The following LAMA2 variants were observed in gnomAD, a reference collection of about 807,000 sequenced individuals.
The protein encoded by LAMA2 is laminin subunit alpha-2.
A neutral mutation model predicts 364.8 loss-of-function variants in LAMA2; 269 were observed. The ratio of observed to expected loss-of-function variants is 0.74; its 90% CI spans 0.67 to 0.82. The LOEUF is 0.82. Ranked by LOEUF, LAMA2 falls within the 40% of genes least tolerant of loss-of-function variation. The pLI is 0.00. For synonymous variants in LAMA2, 1,379 were observed against 1,370.6 expected (o/e 1.01, Z -0.14); for missense variants, 3,807 against 3,873.2 (o/e 0.98, Z 0.45).
chr6:129,084,026 T>C (rs1258796005), intron 3 of LAMA2, among the ~76,000 whole-genome samples: 1 of 152,182 alleles, frequency 6.6e-6, no homozygotes, highest in Non-Finnish European at 1.5e-5. Context: ...ACACCTAAGT[T>C]AAAGGCCGGC....
chr6:129,082,033 A>G (rs915097065), intron 3 of LAMA2, among the ~76,000 whole-genome samples: 5 of 152,154 alleles, frequency 3.3e-5, no homozygotes, highest in Non-Finnish European at 7.4e-5. Flanking sequence ...ACATATTGAG[A>G]ACTTTAACAA....
rs1462363481 is a variant in LAMA2 at position 129,460,217 on chromosome 6, T to A, written c.6885T>A (p.Arg2295=). The change falls in exon 49 of 65, where the codon CGT becomes CGA. Residue 2295 remains arginine, a synonymous_variant. Coordinates refer to ENST00000421865, the MANE Select transcript of LAMA2 (RefSeq NM_000426.4). ...TGKLKKADAV[R]VITFTGCMGE... ...TTCTGCAGAAGGCTGATGCTGTACG[T>A]GTGATTACATTCACTGGCTGCATGG... 6.2e-7 allele frequency: 1 copy of A among 1,612,124 alleles called. No individual in the cohort carries two copies. The highest frequency in any genetic ancestry group is 8.5e-7 in the Non-Finnish European group (1 of 1,178,542).
At chr6:129,161,088 G>A (rs1779416014) in intron 8 of LAMA2, among the ~76,000 whole-genome samples, 1 of 151,816 alleles carries the variant, frequency 6.6e-6, no homozygotes, top group Admixed American at 6.6e-5. Context: ...AGAATATTTT[G>A]AATCTTTAGA....
chr6:128,943,849 C>T (rs1482574956), intron 1 of LAMA2, among the ~76,000 whole-genome samples: 1 of 152,128 alleles, frequency 6.6e-6, no homozygotes, highest in Non-Finnish European at 1.5e-5. Context: ...GAGCAATTCT[C>T]ATTAATAAAG....
intron 3 of LAMA2, among the ~76,000 whole-genome samples, chr6:129,069,132 C>T (rs1466731935): frequency 6.6e-6 from 1 of 151,612 alleles, no homozygotes; most frequent in South Asian, 2.1e-4. Context: ...AACAATAATA[C>T]ATAGGAGATC....
intron 1 of LAMA2, among the ~76,000 whole-genome samples, chr6:129,014,932 GTATTA>G (rs1289178283): frequency 6.6e-6 from 1 of 151,716 alleles, no homozygotes; most frequent in Non-Finnish European, 1.5e-5. Flanking sequence ...AGTATATCAC[GTATTA>G]TATTTTGACA....
At chr6:129,156,582 C>G (rs1779129261) in intron 8 of LAMA2, among the ~76,000 whole-genome samples, 1 of 150,438 alleles carries the variant, frequency 6.6e-6, no homozygotes, top group Non-Finnish European at 1.5e-5. Flanking sequence ...GAATACAGAA[C>G]ATGGTTATAG....
chr6:129,245,655 G>A (rs1353395985), intron 12 of LAMA2, among the ~76,000 whole-genome samples: 1 of 152,054 alleles, frequency 6.6e-6, no homozygotes, highest in Admixed American at 6.6e-5. Context: ...TTTTTATATA[G>A]AGTTCTCCCT....
intron 3 of LAMA2, among the ~76,000 whole-genome samples, chr6:129,067,061 A>G (rs191883918): frequency 2.0e-5 from 3 of 152,354 alleles, no homozygotes; most frequent in East Asian, 3.9e-4. Flanking sequence ...TAAAACATAG[A>G]CAAATGAGAT....
intron 3 of LAMA2, among the ~76,000 whole-genome samples, chr6:129,067,303 A>G (rs4524626): frequency 0.95 from 144,964 of 152,256 alleles, 69,090 homozygotes; most frequent in East Asian, 0.97. Context: ...ACCTGTTTTA[A>G]TTGTATATAG....
At chr6:128,937,907 G>A (rs1308179814) in intron 1 of LAMA2, among the ~76,000 whole-genome samples, 3 of 150,310 alleles carry the variant, frequency 2.0e-5, no homozygotes, top group Non-Finnish European at 4.4e-5. Context: ...TTTTAATATA[G>A]GCATTTATCA....
rs1252844621 is a variant in LAMA2, at chr6:129,250,130, C to T, written c.1801C>T (p.Gln601Ter). Residue 601 changes from glutamine (Q) to a stop codon, truncating the protein, a stop_gained, in exon 13 of 65, where the codon CAG becomes TAG. Coordinates refer to ENST00000421865, the MANE Select transcript of LAMA2 (RefSeq NM_000426.4). LOFTEE classifies it high-confidence loss of function. ...LGNKLPAVGGQLTFTISYDLE... is the reference protein window; with the variant it reads ...LGNKLPAVGG ...CTTGTAGCTCCCAGCAGTAGGAGGA[C>T]AGTTGACATTTACCATATCATATGA... The T allele has an allele frequency of 2.5e-6, 4 of 1,603,628 alleles. No individual in the cohort carries two copies. The highest frequency in any genetic ancestry group is 1.3e-5 in the African/African-American group (1 of 74,568).
chr6:129,373,343 G>C (rs1778192954), intron 34 of LAMA2, among the ~76,000 whole-genome samples: 1 of 152,070 alleles, frequency 6.6e-6, no homozygotes, highest in Non-Finnish European at 1.5e-5. Flanking sequence ...CTTTACAGTA[G>C]TTTTAGATTT....
intron 17 of LAMA2, among the ~76,000 whole-genome samples, chr6:129,275,508 T>A (rs1197686820): frequency 6.6e-6 from 1 of 151,956 alleles, no homozygotes. Context: ...TAGAATTTAA[T>A]GTCAGACAAA....
chr6:129,276,090 A>G (rs1788306229), intron 17 of LAMA2, among the ~76,000 whole-genome samples: 2 of 152,228 alleles, frequency 1.3e-5, no homozygotes, highest in South Asian at 2.1e-4. Flanking sequence ...CACCAAAATC[A>G]TGAAGTAAAT....
intron 9 of LAMA2, among the ~76,000 whole-genome samples, chr6:129,176,542 T>A (rs1033678550): frequency 1.3e-5 from 2 of 152,116 alleles, no homozygotes; most frequent in Admixed American, 6.6e-5. Flanking sequence ...ACTTTTAAAG[T>A]TTTTATTTCC....
chr6:129,127,872 A>G (rs1777209269), intron 4 of LAMA2, among the ~76,000 whole-genome samples: 1 of 151,436 alleles, frequency 6.6e-6, no homozygotes, highest in Non-Finnish European at 1.5e-5. Context: ...TCTTAAGTTG[A>G]TGGAACTCTT....
intron 3 of LAMA2, among the ~76,000 whole-genome samples, chr6:129,069,799 TA>T (rs1773187951): frequency 6.7e-6 from 1 of 148,274 alleles, no homozygotes; most frequent in Admixed American, 6.8e-5. Flanking sequence ...ATATACAATA[TA>T]ATAAAAATGT....
intron 14 of LAMA2, among the ~76,000 whole-genome samples, chr6:129,253,761 T>C (rs1304854583): frequency 6.6e-6 from 1 of 152,206 alleles, no homozygotes; most frequent in Admixed American, 6.5e-5. Context: ...TTCCCCCTGA[T>C]TTATGTTGGA....
Sources: allele counts gnomAD v4.1 joint callset (sites outside exome capture counted in the v4.1 genomes callset), GRCh38; gene constraint gnomAD v4.1.1; transcripts MANE v1.5; gene names NCBI Gene and HGNC (gene_info 2026-07-23, HGNC 2026-07-21).